Variants in UBTD2 observed in about 807,000 individuals in gnomAD.
The protein encoded by UBTD2 is ubiquitin domain containing 2.
Under a neutral mutation model 19.8 loss-of-function variants are expected in UBTD2, and 9 were observed. The ratio of observed to expected loss-of-function variants is 0.46; its 90% CI spans 0.27 to 0.79. UBTD2 has a LOEUF of 0.79. Ranked by LOEUF, UBTD2 falls within the 30% of genes least tolerant of loss-of-function variation. UBTD2 has a pLI of 0.14. For missense variants in UBTD2, 250 were observed against 300.4 expected (o/e 0.83, Z 1.24); for synonymous variants, 98 against 103.9 (o/e 0.94, Z 0.35).
chr5:172,254,620 C>T lies in UBTD2; in HGVS notation c.71-20262G>A, dbSNP rs142499464. On this transcript the variant is annotated intron_variant, in intron 1 of 2. Coordinates refer to ENST00000393792, the MANE Select transcript of UBTD2 (RefSeq NM_152277.3). ...TTAGCGTACACTTTGTTGCATCCAT[C>T]GTAATCACATCTGTGTATCCTCCAC... 2,105 of 648,038 alleles carry T rather than the reference C, an allele frequency of 3.2e-3. 11 individuals carry two copies. Among genetic ancestry groups the T allele is most frequent in the Non-Finnish European group, 3.4e-3 (1,234 of 362,484 alleles). The allele number at this position is 648,038 out of a possible 1,614,324, so 40.1% of individuals were successfully genotyped here.
At chr5:172,270,960 C>T (rs1486531752) in intron 1 of UBTD2, among the ~76,000 whole-genome samples, 2 of 152,122 alleles carry the variant, frequency 1.3e-5, no homozygotes, top group African/African-American at 4.8e-5. Flanking sequence ...TATGGCAATC[C>T]TGTCTTCCCA....
intron 1 of UBTD2, among the ~76,000 whole-genome samples, chr5:172,271,383 C>T (rs997759440): frequency 1.3e-4 from 20 of 150,130 alleles, no homozygotes; most frequent in Non-Finnish European, 1.5e-4. Flanking sequence ...GAGCCGAGAT[C>T]GCACCACTGC....
At position 172,276,135 on chromosome 5, in the gene UBTD2, G is replaced by A. The variant is rs570843325; in HGVS notation, c.70+7461C>T. Among the ~76,000 whole-genome samples the A allele has an allele frequency of 5.1e-4, 78 of 152,310 alleles. 1 individual carries two copies. Among genetic ancestry groups the A allele is most frequent in the African/African-American group, 1.7e-3 (70 of 41,566 alleles). ...TCTAACATGCTCCCAAGGTGATGCC[G>A]ATATTGCTGCTCCAGAGACAAAACT... On this transcript the variant is annotated intron_variant, in intron 1 of 2. Transcript: ENST00000393792.
Position 172,283,551 on chromosome 5 carries a change from C to T in UBTD2, c.70+45G>A. On this transcript the variant is annotated intron_variant, in intron 1 of 2. Coordinates refer to ENST00000393792, the MANE Select transcript of UBTD2 (RefSeq NM_152277.3). This position sits in a 1 kb window ranked among gnomAD's most constrained non-coding sequence, Gnocchi z 4.3. ...GGTCGGGACAGGTGGCCGGGCCTGG[C>T]CGGGAACAATGGGGGGCCGAGGCTG... 7.9e-7 allele frequency: 1 copy of T among 1,273,492 alleles called. No homozygotes were observed. Among genetic ancestry groups the T allele is most frequent in the South Asian group, 2.9e-5 (1 of 34,418 alleles). The allele number at this position is 1,273,492 out of a possible 1,614,324, so 78.9% of individuals were successfully genotyped here.
At chr5:172,274,267 A>C (rs376619110) in intron 1 of UBTD2, among the ~76,000 whole-genome samples, 1 of 151,312 alleles carries the variant, frequency 6.6e-6, no homozygotes, top group South Asian at 2.1e-4. Context: ...CAGCCTCCCA[A>C]GTAGCTAGGA....
chr5:172,224,838 A>G (rs1359945097), intron 2 of UBTD2, among the ~76,000 whole-genome samples: 2 of 152,270 alleles, frequency 1.3e-5, no homozygotes, highest in Non-Finnish European at 1.5e-5. Context: ...GTTTGCTTAA[A>G]GAAACCCAGT....
chr5:172,217,889 T>C (rs1353086002), intron 2 of UBTD2, among the ~76,000 whole-genome samples: 1 of 152,246 alleles, frequency 6.6e-6, no homozygotes, highest in Non-Finnish European at 1.5e-5. Context: ...TCCACTATTA[T>C]AGTTGAAGCC....
chr5:172,232,088 T>A (rs1771912121), intron 2 of UBTD2, among the ~76,000 whole-genome samples: 1 of 151,952 alleles, frequency 6.6e-6, no homozygotes, highest in African/African-American at 2.4e-5. Flanking sequence ...TTGGCCAACA[T>A]GGCGAAACCC....
At chr5:172,275,227 A>G (rs974880467) in intron 1 of UBTD2, among the ~76,000 whole-genome samples, 5 of 152,180 alleles carry the variant, frequency 3.3e-5, no homozygotes, top group African/African-American at 1.2e-4. Context: ...ATAAAACCAC[A>G]AATCTTGTGA....
chr5:172,242,352 T>C (rs1340364495), intron 1 of UBTD2: 1 of 981,556 alleles, frequency 1.0e-6, no homozygotes. Context: ...TGAAGTCTTA[T>C]TTATTAGATT....
chr5:172,263,590 C>G (rs557481020), intron 1 of UBTD2, among the ~76,000 whole-genome samples: 130 of 152,082 alleles, frequency 8.5e-4, no homozygotes, highest in African/African-American at 3.0e-3. Flanking sequence ...GTCAGGAGAT[C>G]GAGACCATCC....
At chr5:172,214,241 A>G (rs1455203701) in intron 2 of UBTD2, among the ~76,000 whole-genome samples, 3 of 152,270 alleles carry the variant, frequency 2.0e-5, no homozygotes, top group Non-Finnish European at 2.9e-5. Flanking sequence ...AAATGAGTTA[A>G]TGAACCGGTA....
chr5:172,274,400 A>G (rs182859742), intron 1 of UBTD2, among the ~76,000 whole-genome samples: 1,654 of 152,004 alleles, frequency 0.011, 38 homozygotes, highest in African/African-American at 0.038. Context: ...CAGCCTCCCA[A>G]AGTGCTGGGA....
chr5:172,241,208 G>A (rs987127284), intron 1 of UBTD2, among the ~76,000 whole-genome samples: 1 of 152,162 alleles, frequency 6.6e-6, no homozygotes, highest in South Asian at 2.1e-4. Flanking sequence ...GAGGTCAGGA[G>A]TTTGAGACAA....
chr5:172,238,250 T>C (rs1055412192), intron 1 of UBTD2, among the ~76,000 whole-genome samples: 3 of 152,332 alleles, frequency 2.0e-5, no homozygotes, highest in Admixed American at 6.5e-5. Flanking sequence ...TAATCATACA[T>C]AGCATATAGG....
At chr5:172,264,155 T>C (rs1048044999) in intron 1 of UBTD2, among the ~76,000 whole-genome samples, 2 of 152,106 alleles carry the variant, frequency 1.3e-5, no homozygotes, top group African/African-American at 4.8e-5. Flanking sequence ...TACAGCTCAC[T>C]GCAGCCTCGA....
rs182890375 is a variant in UBTD2 at position 172,245,162 on chromosome 5, C to T, written c.71-10804G>A. Among the ~76,000 whole-genome samples the T allele has an allele frequency of 2.0e-5, 3 of 152,222 alleles. No individual in the cohort carries two copies. In the East Asian group the frequency reaches 5.8e-4, roughly 29 times the overall value. ...ATATGAGGAAAATATTTTTTTCTCC[C>T]TTTGCATTTTACCACTTTATTATTG... is the stretch of plus-strand genomic sequence containing the variant. On this transcript the variant is annotated intron_variant, in intron 1 of 2. Coordinates refer to ENST00000393792, the MANE Select transcript of UBTD2 (RefSeq NM_152277.3).
Position 172,234,277 on chromosome 5 carries a change from C to A in UBTD2, c.152G>T (p.Arg51Leu), listed in dbSNP as rs888097377. Residue 51 changes from arginine to leucine, a missense_variant, in exon 2 of 3, where the codon CGC (arginine) becomes CTC (leucine). Arg to Leu is a moderately radical substitution (Grantham distance 102, BLOSUM62 -2). Coordinates refer to ENST00000393792, the MANE Select transcript of UBTD2 (RefSeq NM_152277.3). ...SDYPMTDGQLRSKRDEFWDTA... is the reference protein window; with the variant it reads ...SDYPMTDGQLLSKRDEFWDTA... ...ATCCCAAAATTCATCCCTCTTGCTG[C>A]GTAGTTGTCCATCTGTCATAGGATA... The A allele has an allele frequency of 1.2e-6, 2 of 1,614,164 alleles. No individual in the cohort carries two copies. The highest frequency in any genetic ancestry group is 1.7e-5 in the Admixed American group (1 of 60,012).
intron 1 of UBTD2, among the ~76,000 whole-genome samples, chr5:172,253,902 G>A (rs774653128): frequency 6.6e-6 from 1 of 151,942 alleles, no homozygotes; most frequent in Non-Finnish European, 1.5e-5. Flanking sequence ...AGAATGGTTT[G>A]CTTAGCAACC....
Sources: gnomAD v4.1 joint callset for allele counts (sites outside exome capture counted in the v4.1 genomes callset) on GRCh38, gnomAD v4.1.1 for gene constraint, Gnocchi (gnomAD v3.1) non-coding constraint, MANE v1.5 for transcripts, NCBI Gene and HGNC (gene_info 2026-07-23, HGNC 2026-07-21) for gene names.